VPS33B: variants seen among roughly 807,000 people sequenced by gnomAD.
The protein encoded by VPS33B is vacuolar protein sorting-associated protein 33B.
A neutral mutation model predicts 95.3 loss-of-function variants in VPS33B; 80 were observed. The observed-to-expected ratio is 0.84, with a 90% CI of 0.70 to 1.01. The LOEUF is 1.01. Among genes scored for constraint, VPS33B ranks in the 50% least tolerant of loss-of-function variants. The probability of loss-of-function intolerance (pLI) is 0.00; values close to 1 mark genes in which losing one functional copy is unlikely to be tolerated. For missense variants in VPS33B, 715 were observed against 773.4 expected (o/e 0.92, Z 0.90); for synonymous variants, 280 against 280.4 (o/e 1.00, Z 0.01).
Position 91,006,651 on chromosome 15 carries a change from C to A in VPS33B, c.778+1G>T, listed in dbSNP as rs1359730979. The A allele has an allele frequency of 3.7e-6, 6 of 1,614,100 alleles. No homozygotes were observed. The highest frequency in any genetic ancestry group is 1.1e-5 in the South Asian group (1 of 91,088). ...AAGATGCAGAGGACCATAGCACTTA[C>A]CACACTTGATGCGGAAGGTGTCATC... On this transcript the variant is annotated splice_donor_variant, in intron 10 of 22. Transcript: ENST00000333371. LOFTEE classifies it high-confidence loss of function. This position sits in a 1 kb window ranked among gnomAD's most constrained non-coding sequence, Gnocchi z 5.4.
chr15:91,005,370 C>T lies in VPS33B; in HGVS notation c.1105+10G>A, dbSNP rs370555380. On this transcript the variant is annotated intron_variant, in intron 14 of 22. Transcript: ENST00000333371. This position sits in a 1 kb window ranked among gnomAD's most constrained non-coding sequence, Gnocchi z 6.4. The stretch of plus-strand genomic sequence containing the variant: ...CGTGGGCAGTAGCACAGCAAGGCTG[C>T]GGCAGTTACCATGCTCAGTCTTGAT... 1.1e-4 allele frequency: 171 copies of T among 1,613,974 alleles called. No homozygotes were observed. The highest frequency in any genetic ancestry group is 1.6e-4 in the Middle Eastern group (1 of 6,082).
chr15:91,018,806 G>GTTGTT lies in VPS33B; in HGVS notation c.97-926_97-922dup, dbSNP rs1375142272. Among the ~76,000 whole-genome samples, 4 of 151,998 alleles carry GTTGTT rather than the reference G, an allele frequency of 2.6e-5. No homozygotes were observed. The highest frequency in any genetic ancestry group is 4.4e-5 in the Non-Finnish European group (3 of 67,960). On this transcript the variant is annotated intron_variant, in intron 1 of 22. Coordinates refer to ENST00000333371, the MANE Select transcript of VPS33B (RefSeq NM_018668.5). This position sits in a 1 kb window ranked among gnomAD's most constrained non-coding sequence, Gnocchi z 4.7. Reference sequence around the variant, plus strand: ...AAATCTTTTTTTTTAAATCTTATTTGTTGTTTTGTTTTGTTTGTTTGTTTT... The same window carrying GTTGTT: ...AAATCTTTTTTTTTAAATCTTATTTGTTGTTTTGTTTTGTTTTGTTTGTTTGTTTT...
chr15:91,001,962 CA>C, intron 18 of VPS33B, 87 bp downstream of exon 18: 3 of 1,600,128 alleles, frequency 1.9e-6, no homozygotes, highest in Non-Finnish European at 2.6e-6. Flanking sequence ...CCACCTTCTC[CA>C]ATTCATTCTG....
intron 3 of VPS33B, among the ~76,000 whole-genome samples, chr15:91,016,324 C>CA (rs371859941): frequency 1.0e-3 from 148 of 146,584 alleles, no homozygotes; most frequent in Middle Eastern, 7.1e-3. Context: ...AAGTCTATGA[C>CA]AAATAATGTG....
Position 91,005,043 on chromosome 15 carries a change from C to T in VPS33B, c.1170+12G>A. ...TGCCATTCTTGGCACCCCCAGCCCT[C>T]CACCTGCGCACCTGCCGGTCTATGT... On this transcript the variant is annotated intron_variant, in intron 15 of 22. Coordinates refer to ENST00000333371, the MANE Select transcript of VPS33B (RefSeq NM_018668.5). The surrounding 1 kb of genome is among the most constrained non-coding windows in gnomAD (Gnocchi z 6.4). The T allele has an allele frequency of 6.2e-7, 1 of 1,614,244 alleles. No homozygotes were observed.
rs184727853 is a variant in VPS33B at position 91,000,205 on chromosome 15, G to A, written c.1582-230C>T. Reference sequence around the variant, plus strand: ...GACCAGCCTGGTCAACATATAGTTGGCCCTGTCTATATGAAACCCCATCTC... The same window carrying A: ...GACCAGCCTGGTCAACATATAGTTGACCCTGTCTATATGAAACCCCATCTC... On this transcript the variant is annotated intron_variant, in intron 20 of 22. Coordinates refer to ENST00000333371, the MANE Select transcript of VPS33B (RefSeq NM_018668.5). This position sits in a 1 kb window ranked among gnomAD's most constrained non-coding sequence, Gnocchi z 4.9. Among the ~76,000 whole-genome samples, 87 of 152,180 alleles carry A rather than the reference G, an allele frequency of 5.7e-4. No homozygotes were observed. Among genetic ancestry groups the A allele is most frequent in the African/African-American group, 2.1e-3 (87 of 41,508 alleles).
chr15:91,018,593 C>T lies in VPS33B; in HGVS notation c.97-708G>A, dbSNP rs570829719. ...GAGCATAGGCTGTGTAGTAAGGGGACGATTTTGCCCTCCGAGGGACATTTG... is the reference window on the plus strand; with the variant it reads ...GAGCATAGGCTGTGTAGTAAGGGGATGATTTTGCCCTCCGAGGGACATTTG... On this transcript the variant is annotated intron_variant, in intron 1 of 22. Transcript: ENST00000333371. The surrounding 1 kb of genome is among the most constrained non-coding windows in gnomAD (Gnocchi z 4.7). 2.6e-5 allele frequency among the ~76,000 whole-genome samples: 4 copies of T among 152,188 alleles called. No individual in the cohort carries two copies. Among genetic ancestry groups the T allele is most frequent in the Admixed American group, 6.5e-5 (1 of 15,290 alleles).
rs888575881 is a variant in VPS33B at position 91,010,192 on chromosome 15, G to A, written c.358-346C>T. 6.6e-6 allele frequency among the ~76,000 whole-genome samples: 1 copy of A among 152,230 alleles called. No homozygotes were observed. The highest frequency in any genetic ancestry group is 1.5e-5 in the Non-Finnish European group (1 of 68,046). ...GTGCTCTGGAAATTGTGGAGGAGCAGATGGGAGGAAAAGATCTGTACAAGG... is the reference window on the plus strand; with the variant it reads ...GTGCTCTGGAAATTGTGGAGGAGCAAATGGGAGGAAAAGATCTGTACAAGG... On this transcript the variant is annotated intron_variant, in intron 5 of 22. Coordinates refer to ENST00000333371, the MANE Select transcript of VPS33B (RefSeq NM_018668.5). The surrounding 1 kb of genome is among the most constrained non-coding windows in gnomAD (Gnocchi z 5.7).
At chr15:91,019,472 G>A (rs1181792365) in intron 1 of VPS33B, among the ~76,000 whole-genome samples, 1 of 152,170 alleles carries the variant, frequency 6.6e-6, no homozygotes, top group Non-Finnish European at 1.5e-5. Flanking sequence ...ATGGTCAACA[G>A]AGGGTAGGAA....
rs146446468 is a variant in VPS33B, at chr15:91,017,817, G to A, written c.165C>T (p.Val55=). 1 of 1,614,028 alleles carries A rather than the reference G, an allele frequency of 6.2e-7. No homozygotes were observed. Among genetic ancestry groups the A allele is most frequent in the Non-Finnish European group, 8.5e-7 (1 of 1,180,000 alleles). ...AAAGGGACAGTACCTTCAGGATGGAGACATTGGCAATTCGATCCAAAGGGC... is the reference window on the plus strand; with the variant it reads ...AAAGGGACAGTACCTTCAGGATGGAAACATTGGCAATTCGATCCAAAGGGC... ...LMSPLDRIAN[V]SILKQHEVDK... is the part of the protein sequence containing the mutation. The change falls in exon 2 of 23, where the codon GTC becomes GTT. Residue 55 remains valine, a synonymous_variant. Transcript: ENST00000333371.
In VPS33B at chr15:91,011,466, T is replaced by G. The variant is rs985336752; in HGVS notation, c.358-1620A>C. Reference sequence around the variant, plus strand: ...CAGGCCTGCTTTTAACTTTTAATGCTAAGTAATGGAATTCCAGAGCCAGGT... The same window carrying G: ...CAGGCCTGCTTTTAACTTTTAATGCGAAGTAATGGAATTCCAGAGCCAGGT... On this transcript the variant is annotated intron_variant, in intron 5 of 22. Coordinates refer to ENST00000333371, the MANE Select transcript of VPS33B (RefSeq NM_018668.5). The surrounding 1 kb of genome is among the most constrained non-coding windows in gnomAD (Gnocchi z 5.5). 6.6e-6 allele frequency among the ~76,000 whole-genome samples: 1 copy of G among 152,224 alleles called. No individual in the cohort carries two copies. The highest frequency in any genetic ancestry group is 2.4e-5 in the African/African-American group (1 of 41,456).
At position 90,999,802 on chromosome 15, in the gene VPS33B, A is replaced by G. The variant is rs1418594650; in HGVS notation, c.1658-9T>C. 3.7e-6 allele frequency: 6 copies of G among 1,613,914 alleles called. No homozygotes were observed. Among genetic ancestry groups the G allele is most frequent in the Non-Finnish European group, 5.1e-6 (6 of 1,179,982 alleles). On this transcript the variant is annotated splice_polypyrimidine_tract_variant and intron_variant, in intron 21 of 22. Coordinates refer to ENST00000333371, the MANE Select transcript of VPS33B (RefSeq NM_018668.5). The surrounding 1 kb of genome is among the most constrained non-coding windows in gnomAD (Gnocchi z 5.1). ...GTCTTCCTTAGTCATATCTGTGAGGATCAGACCAGATTCAGCCCTTCCCTG... is the reference window on the plus strand; with the variant it reads ...GTCTTCCTTAGTCATATCTGTGAGGGTCAGACCAGATTCAGCCCTTCCCTG...
chr15:91,017,367 A>AATATATATATAT (rs1159663715), intron 2 of VPS33B, among the ~76,000 whole-genome samples: 20 of 15,836 alleles, frequency 1.3e-3, no homozygotes, highest in Admixed American at 2.2e-3. Context: ...TACAAAATTA[A>AATATATATATAT]ATATATATAT....
intron 16 of VPS33B, among the ~76,000 whole-genome samples, 164 bp downstream of exon 16, chr15:91,004,713 T>A (rs188843584): frequency 1.3e-5 from 2 of 152,280 alleles, no homozygotes; most frequent in African/African-American, 4.8e-5. Context: ...TAAATTACCC[T>A]GTGTCCTGGT....
At position 91,005,642 on chromosome 15, in the gene VPS33B, T is replaced by G. The variant is rs1003719871; in HGVS notation, c.1030+52A>C. The G allele has an allele frequency of 5.6e-6, 9 of 1,599,162 alleles. No homozygotes were observed. The highest frequency in any genetic ancestry group is 7.7e-6 in the Non-Finnish European group (9 of 1,166,526). On this transcript the variant is annotated intron_variant, in intron 13 of 22. Transcript: ENST00000333371. This position sits in a 1 kb window ranked among gnomAD's most constrained non-coding sequence, Gnocchi z 6.4. ...CGGGAGTAATGGTCCTCTGGAGCTT[T>G]CCCCAGAGGGACACAGTCACTTCCC...
In VPS33B at chr15:91,013,831, T is replaced by C. The variant is rs1475005601; in HGVS notation, c.330A>G (p.Lys110=). The change falls in exon 5 of 23, where the codon AAA becomes AAG. Residue 110 remains lysine, a synonymous_variant. Coordinates refer to ENST00000333371, the MANE Select transcript of VPS33B (RefSeq NM_018668.5). This position sits in a 1 kb window ranked among gnomAD's most constrained non-coding sequence, Gnocchi z 4.5. ...TTTGAGGGCTGAAGATCACTTTGTA[T>C]TTGCGAGTTCGGCCAGCCAATTTGT... ...NADKLAGRTR[K]YKVIFSPQKF... is the part of the protein sequence containing the mutation. 3 of 1,614,118 alleles carry C rather than the reference T, an allele frequency of 1.9e-6. No homozygotes were observed. The highest frequency in any genetic ancestry group is 1.6e-4 in the Middle Eastern group (1 of 6,062).
Position 91,005,713 on chromosome 15 carries a change from C to A in VPS33B, c.1011G>T (p.Glu337Asp). 1 of 1,614,160 alleles carries A rather than the reference C, an allele frequency of 6.2e-7. No individual in the cohort carries two copies. Among genetic ancestry groups the A allele is most frequent in the Non-Finnish European group, 8.5e-7 (1 of 1,180,024 alleles). The part of the protein sequence containing the change: ...VSQELKGLKQ[E>D]HRLLSLHIGA... ...ACCTACGGAGACTCAGCAGGCGGTGCTCCTGTTTCAGGCCCTTGAGCTCCT... is the reference window on the plus strand; with the variant it reads ...ACCTACGGAGACTCAGCAGGCGGTGATCCTGTTTCAGGCCCTTGAGCTCCT... The change falls in exon 13 of 23, where the codon GAG becomes GAT. Residue 337 changes from glutamate (E) to aspartate (D), a missense_variant. Transcript: ENST00000333371. This position sits in a 1 kb window ranked among gnomAD's most constrained non-coding sequence, Gnocchi z 6.4.
At position 91,022,169 on chromosome 15, in the gene VPS33B, G is replaced by A. The variant is rs769061531; in HGVS notation, c.81C>T (p.Ile27=). 2 of 1,566,278 alleles carry A rather than the reference G, an allele frequency of 1.3e-6. No individual in the cohort carries two copies. The highest frequency in any genetic ancestry group is 2.7e-5 in the African/African-American group (2 of 73,790). The change falls in exon 1 of 23, where the codon ATC becomes ATT. Residue 27 remains isoleucine, a synonymous_variant. Coordinates refer to ENST00000333371, the MANE Select transcript of VPS33B (RefSeq NM_018668.5). The part of the protein sequence containing the change: ...MLKRLARDQL[I]YLLEQLPGKK... Reference sequence around the variant, plus strand: ...AAGCACTGACCTGCTCCAGCAGATAGATGAGCTGGTCTCGAGCCAGCCTCT... The same window carrying A: ...AAGCACTGACCTGCTCCAGCAGATAAATGAGCTGGTCTCGAGCCAGCCTCT...
chr15:91,019,678 C>A (rs2041047372), intron 1 of VPS33B, among the ~76,000 whole-genome samples: 1 of 152,078 alleles, frequency 6.6e-6, no homozygotes, highest in Non-Finnish European at 1.5e-5. Context: ...AAACAGGAGG[C>A]AGGGAGTCCA....
Sources: allele counts gnomAD v4.1 joint callset (sites outside exome capture counted in the v4.1 genomes callset), GRCh38; gene constraint gnomAD v4.1.1; non-coding constraint Gnocchi (gnomAD v3.1); transcripts MANE v1.5; gene names NCBI Gene and HGNC (gene_info 2026-07-23, HGNC 2026-07-21).